The following GAL variants were observed in gnomAD, a reference collection of about 807,000 sequenced individuals.
The protein encoded by GAL is galanin peptides.
GAL carries 14 observed loss-of-function variants against 15.8 expected under a neutral mutation model. That is an observed-to-expected ratio of 0.89 (90% CI 0.59 to 1.39). The LOEUF (loss-of-function observed/expected upper bound fraction) is 1.39. Ranked by LOEUF, GAL falls within the 40% of genes most tolerant of loss-of-function variation. The pLI is 0.00. For missense variants in GAL, 176 were observed against 170.4 expected (o/e 1.03, Z -0.18); for synonymous variants, 79 against 73.8 (o/e 1.07, Z -0.36).
At position 68,689,053 on chromosome 11, in the gene GAL, T is replaced by G. The variant is rs185262938; in HGVS notation, c.301+127T>G. The G allele has an allele frequency of 1.3e-5, 8 of 634,602 alleles. No homozygotes were observed. In the East Asian group the frequency reaches 1.4e-4, roughly 11 times the overall value. 39.3% of individuals were successfully genotyped at this position (634,602 alleles called of 1,614,324 possible). On this transcript the variant is annotated intron_variant, in intron 5 of 5. Coordinates refer to ENST00000265643, the MANE Select transcript of GAL (RefSeq NM_015973.5). The stretch of plus-strand genomic sequence containing the variant: ...GATTACTTATCTACGTACAAAGTCC[T>G]GTTTGGCTGTGTGTCGGGATAACAG...
intron 1 of GAL, 30 bp from the exon 2 acceptor site, chr11:68,684,894 C>T (rs1945834888): frequency 2.0e-6 from 3 of 1,483,180 alleles, no homozygotes; most frequent in Non-Finnish European, 2.8e-6. Context: ...CTCCGGGTTC[C>T]GACCCGCCCG....
intron 3 of GAL, among the ~76,000 whole-genome samples, chr11:68,686,673 T>G (rs1320329770): frequency 1.3e-5 from 2 of 152,182 alleles, no homozygotes; most frequent in African/African-American, 4.8e-5. Context: ...TCCAGGCTGT[T>G]CACCACAGAG....
intron 2 of GAL, among the ~76,000 whole-genome samples, 177 bp from the exon 3 acceptor site, chr11:68,685,417 G>T (rs534755236): frequency 6.6e-6 from 1 of 152,232 alleles, no homozygotes; most frequent in African/African-American, 2.4e-5. Flanking sequence ...TAAATAAAGT[G>T]GTTCCATTTT....
rs1230630886 is a variant in GAL, at chr11:68,684,739, CT to C, written c.-1+8del. ...GGCGCAGCCGCAGCTCAAGGTACTA[CT>C]GGCGCCGGGCCGACCCTGCGCCCCC... On this transcript the variant is annotated splice_region_variant and intron_variant, in intron 1 of 5. Transcript: ENST00000265643. 1 of 506,090 alleles carries C rather than the reference CT, an allele frequency of 2.0e-6. No individual in the cohort carries two copies. Among genetic ancestry groups the C allele is most frequent in the Admixed American group, 3.6e-5 (1 of 28,144 alleles). The allele number at this position is 506,090 out of a possible 1,614,324, so 31.3% of individuals were successfully genotyped here.
At chr11:68,687,154 G>A (rs1945861401) in intron 3 of GAL, among the ~76,000 whole-genome samples, 1 of 152,112 alleles carries the variant, frequency 6.6e-6, no homozygotes, top group South Asian at 2.1e-4. Context: ...ACCAAGAACG[G>A]CATCTCTGGA....
At chr11:68,690,625 A>G (rs530483650) in intron 5 of GAL, among the ~76,000 whole-genome samples, 11 of 152,258 alleles carry the variant, frequency 7.2e-5, no homozygotes, top group African/African-American at 2.6e-4. Flanking sequence ...TTAATTTTGT[A>G]ACATGGAAAC....
rs934898901 is a variant in GAL, at chr11:68,684,571, C to A, written c.-162C>A. On this transcript the variant is annotated 5_prime_UTR_variant, in exon 1 of 6. Transcript: ENST00000265643. ...ACCGGGCGGCGGACACGTGGAGGGA[C>A]CCGGCCCGCGCCTTCTGCCCCTGCT... 1.0e-5 allele frequency: 2 copies of A among 192,170 alleles called. No individual in the cohort carries two copies. The allele number at this position is 192,170 out of a possible 1,614,324, so 11.9% of individuals were successfully genotyped here. A position where few individuals can be genotyped will look rare whatever the true frequency, so the allele number is the denominator to read the frequency against.
chr11:68,687,637 G>A (rs1464540862), intron 3 of GAL, among the ~76,000 whole-genome samples: 1 of 152,190 alleles, frequency 6.6e-6, no homozygotes, highest in Non-Finnish European at 1.5e-5. Flanking sequence ...CCCAGCTCCT[G>A]TTGTCTGCCA....
chr11:68,687,254 C>T lies in GAL; in HGVS notation c.137-760C>T, dbSNP rs548372543. ...GGAAACACAGAGGCGTCCTCACCCT[C>T]GTCCCCATCTCTCATTTCCATTTCC... On this transcript the variant is annotated intron_variant, in intron 3 of 5. Transcript: ENST00000265643. Among the ~76,000 whole-genome samples the T allele has an allele frequency of 3.9e-5, 6 of 152,242 alleles. No individual in the cohort carries two copies. In the South Asian group the frequency reaches 6.2e-4, roughly 16 times the overall value.
intron 3 of GAL, among the ~76,000 whole-genome samples, chr11:68,686,934 C>T (rs1157013447): frequency 6.6e-6 from 1 of 152,230 alleles, no homozygotes; most frequent in Non-Finnish European, 1.5e-5. Flanking sequence ...AAAACAAACT[C>T]ATTTTCGCCA....
rs1271190969 is a variant in GAL, at chr11:68,684,971, G to A, written c.48G>A (p.Ala16=). ...TGCTCGCCTCCCTCCTCCTCGCCGCGGCCCTTTCTGCCTCTGCGGGGCTCT... is the reference window on the plus strand; with the variant it reads ...TGCTCGCCTCCCTCCTCCTCGCCGCAGCCCTTTCTGCCTCTGCGGGGCTCT... The part of the protein sequence containing the change: ...ALLLASLLLA[A]ALSASAGLWS... The change falls in exon 2 of 6, where the codon GCG becomes GCA. Residue 16 remains alanine (A), a synonymous_variant. Coordinates refer to ENST00000265643, the MANE Select transcript of GAL (RefSeq NM_015973.5). 3.7e-6 allele frequency: 6 copies of A among 1,608,470 alleles called. No individual in the cohort carries two copies. Among genetic ancestry groups the A allele is most frequent in the Non-Finnish European group, 4.2e-6 (5 of 1,177,866 alleles).
intron 4 of GAL, 134 bp from the exon 5 acceptor site, chr11:68,688,715 C>A: frequency 1.6e-6 from 1 of 628,468 alleles, no homozygotes; most frequent in South Asian, 1.9e-5. Flanking sequence ...CCTTGGAAAG[C>A]ACAGCAGGGC....
rs774924989 is a variant in GAL at position 68,688,818 on chromosome 11, A to G, written c.224-31A>G. 34 of 1,107,136 alleles carry G rather than the reference A, an allele frequency of 3.1e-5. 1 individual carries two copies. In the South Asian group the frequency reaches 4.2e-4, roughly 14 times the overall value. The allele number at this position is 1,107,136 out of a possible 1,614,324, so 68.6% of individuals were successfully genotyped here. On this transcript the variant is annotated intron_variant, in intron 4 of 5. Transcript: ENST00000265643. ...TGAGACACTGAAGCACCCTCTGCACAAGTCGTGAATGTTGATCTTTTCTCT... is the reference window on the plus strand; with the variant it reads ...TGAGACACTGAAGCACCCTCTGCACGAGTCGTGAATGTTGATCTTTTCTCT...
intron 3 of GAL, 72 bp downstream of exon 3, chr11:68,685,720 C>T: frequency 1.8e-6 from 2 of 1,085,452 alleles, no homozygotes; most frequent in African/African-American, 3.1e-5. Flanking sequence ...TGGCTCCTGC[C>T]CCTCCGCCTG....
chr11:68,688,588 C>T (rs1196192217), intron 4 of GAL, among the ~76,000 whole-genome samples: 1 of 152,194 alleles, frequency 6.6e-6, no homozygotes, highest in Admixed American at 6.5e-5. Flanking sequence ...AAGATCATGA[C>T]ACTGCATTCC....
chr11:68,685,834 C>T (rs571783123), intron 3 of GAL, among the ~76,000 whole-genome samples, 186 bp downstream of exon 3: 330 of 152,320 alleles, frequency 2.2e-3, no homozygotes, highest in African/African-American at 7.0e-3. Flanking sequence ...TCTCCTGCCC[C>T]GGCTCTGCCG....
In GAL at chr11:68,690,946, C is replaced by T. The variant is rs776941984; in HGVS notation, c.331C>T (p.Leu111Phe). The change falls in exon 6 of 6, where the codon CTC (leucine) becomes TTC (phenylalanine). Residue 111 changes from leucine to phenylalanine, a missense_variant. Coordinates refer to ENST00000265643, the MANE Select transcript of GAL (RefSeq NM_015973.5). ...CGGTGCCCTCGACCGCCTCCTGGAT[C>T]TCCCCGCCGCAGCCTCCTCAGAAGA... ...EAGALDRLLDLPAAASSEDIE... is the reference protein window; with the variant it reads ...EAGALDRLLDFPAAASSEDIE... 6.2e-7 allele frequency: 1 copy of T among 1,613,236 alleles called. No homozygotes were observed. Among genetic ancestry groups the T allele is most frequent in the African/African-American group, 1.3e-5 (1 of 74,890 alleles).
At chr11:68,689,591 TTCA>T (rs1193647753) in intron 5 of GAL, among the ~76,000 whole-genome samples, 4 of 152,102 alleles carry the variant, frequency 2.6e-5, no homozygotes, top group Non-Finnish European at 4.4e-5. Flanking sequence ...GAGGCTGGGG[TTCA>T]TCATGTTGGC....
intron 5 of GAL, among the ~76,000 whole-genome samples, chr11:68,689,544 G>A (rs1460689421): frequency 2.0e-5 from 3 of 151,998 alleles, no homozygotes; most frequent in Non-Finnish European, 2.9e-5. Context: ...AAACAGGTGC[G>A]CACAATTATG....
Sources: gnomAD v4.1 joint callset for allele counts (sites outside exome capture counted in the v4.1 genomes callset) on GRCh38, gnomAD v4.1.1 for gene constraint, MANE v1.5 for transcripts, NCBI Gene and HGNC (gene_info 2026-07-23, HGNC 2026-07-21) for gene names.